The following C19orf44 variants were observed in gnomAD, a reference collection of about 807,000 sequenced individuals.
C19orf44 encodes the protein uncharacterized protein C19orf44.
A neutral mutation model predicts 50.7 loss-of-function variants in C19orf44; 43 were observed. That is an observed-to-expected ratio of 0.85 (90% confidence interval 0.66 to 1.09). C19orf44 has a LOEUF of 1.09. C19orf44 is among the 50% of genes least tolerant of loss of function. The pLI is 0.00. For synonymous variants in C19orf44, 298 were observed against 334.7 expected (o/e 0.89, Z 1.20); for missense variants, 722 against 836.2 (o/e 0.86, Z 1.68).
chr19:16,519,138 C>G lies in C19orf44; in HGVS notation c.*41-956C>G. 6.2e-7 allele frequency: 1 copy of G among 1,603,684 alleles called. No homozygotes were observed. Among genetic ancestry groups the G allele is most frequent in the South Asian group, 1.1e-5 (1 of 89,932 alleles). On this transcript the variant is annotated intron_variant, in intron 8 of 8. Transcript: ENST00000221671. The surrounding 1 kb of genome is among the most constrained non-coding windows in gnomAD (Gnocchi z 6.0). Reference sequence around the variant, plus strand: ...CACAGCCGGCACCGCTGGCCACCGGCGCGGCTCCCGGCATGGGCGCCTACT... The same window carrying G: ...CACAGCCGGCACCGCTGGCCACCGGGGCGGCTCCCGGCATGGGCGCCTACT...
intron 1 of C19orf44, among the ~76,000 whole-genome samples, chr19:16,499,977 C>T (rs1052564269): frequency 2.6e-5 from 4 of 152,062 alleles, no homozygotes; most frequent in South Asian, 2.1e-4. Context: ...TTAGTAGAGA[C>T]GGGGTTTCAC....
intron 2 of C19orf44, 106 bp from the exon 3 acceptor site, chr19:16,502,959 C>T (rs1476010965): frequency 1.0e-5 from 11 of 1,070,150 alleles, no homozygotes; most frequent in South Asian, 8.4e-5. Flanking sequence ...TGCCCTCCAG[C>T]CTAGGCAACA....
At chr19:16,515,302 A>G (rs2093468491) in intron 7 of C19orf44, among the ~76,000 whole-genome samples, 1 of 152,158 alleles carries the variant, frequency 6.6e-6, no homozygotes, top group Non-Finnish European at 1.5e-5. Context: ...TGGAGGTTGT[A>G]GTGAGCTGAG....
intron 1 of C19orf44, among the ~76,000 whole-genome samples, chr19:16,497,383 C>T (rs1296323542): frequency 1.7e-5 from 2 of 117,968 alleles, no homozygotes; most frequent in East Asian, 4.9e-4. Flanking sequence ...CAGATTCTCG[C>T]TCTGTTACTT....
In C19orf44 at chr19:16,520,748, T is replaced by C. The variant is rs2122242352; in HGVS notation, c.*695T>C. On this transcript the variant is annotated 3_prime_UTR_variant, in exon 9 of 9. Coordinates refer to ENST00000221671, the MANE Select transcript of C19orf44 (RefSeq NM_032207.4). This position sits in a 1 kb window ranked among gnomAD's most constrained non-coding sequence, Gnocchi z 4.0. ...GCTGTGTGAGGGTGGACGTGATGAG[T>C]GTATCTGGGGTCTGCTCCCACCCAT... The C allele has an allele frequency of 2.2e-6, 3 of 1,391,416 alleles. No individual in the cohort carries two copies. Among genetic ancestry groups the C allele is most frequent in the Non-Finnish European group, 2.0e-6 (2 of 983,718 alleles). The allele number at this position is 1,391,416 out of a possible 1,614,324, so 86.2% of individuals were successfully genotyped here. A position where few individuals can be genotyped will look rare whatever the true frequency, so the allele number is the denominator to read the frequency against.
Position 16,520,390 on chromosome 19 carries a change from G to A in C19orf44, c.*337G>A. 1 of 1,613,956 alleles carries A rather than the reference G, an allele frequency of 6.2e-7. No individual in the cohort carries two copies. The highest frequency in any genetic ancestry group is 8.5e-7 in the Non-Finnish European group (1 of 1,179,988). ...TAGATCTGGAGCGGGAGTAGGAACG[G>A]GAGCAGGAGCGCGACCTTGACCTTG... is the stretch of plus-strand genomic sequence containing the variant. On this transcript the variant is annotated 3_prime_UTR_variant, in exon 9 of 9. Transcript: ENST00000221671. The surrounding 1 kb of genome is among the most constrained non-coding windows in gnomAD (Gnocchi z 4.0).
intron 3 of C19orf44, among the ~76,000 whole-genome samples, chr19:16,504,890 C>T (rs2093436319): frequency 6.6e-6 from 1 of 151,100 alleles, no homozygotes; most frequent in Non-Finnish European, 1.5e-5. Context: ...GTGATCTCGG[C>T]TCACTGTAAC....
intron 5 of C19orf44, among the ~76,000 whole-genome samples, chr19:16,511,668 C>T (rs908843679): frequency 2.6e-5 from 4 of 152,034 alleles, no homozygotes; most frequent in Non-Finnish European, 5.9e-5. Flanking sequence ...GCCTCCTCCA[C>T]CTCCTGGGTT....
chr19:16,514,432 G>GC lies in C19orf44; in HGVS notation c.1736-65_1736-64insC, dbSNP rs1048337937. 4 of 1,012,646 alleles carry GC rather than the reference G, an allele frequency of 4.0e-6. No individual in the cohort carries two copies. The African/African-American group carries it at 7.2e-5, about 18-fold the overall frequency. 62.7% of individuals were successfully genotyped at this position (1,012,646 alleles called of 1,614,324 possible). A position where few individuals can be genotyped will look rare whatever the true frequency, so the allele number is the denominator to read the frequency against. Reference sequence around the variant, plus strand: ...GAGAGCAGCCTGGCACCTGAGCGGTGGGGGGGGGGCTGCAGAATTTGTGGG... The same window carrying GC: ...GAGAGCAGCCTGGCACCTGAGCGGTGCGGGGGGGGGCTGCAGAATTTGTGGG... On this transcript the variant is annotated intron_variant, in intron 6 of 8. Transcript: ENST00000221671.
chr19:16,519,134 CCG>C lies in C19orf44; in HGVS notation c.*41-959_*41-958del. The C allele has an allele frequency of 6.2e-7, 1 of 1,601,194 alleles. No homozygotes were observed. The highest frequency in any genetic ancestry group is 8.5e-7 in the Non-Finnish European group (1 of 1,174,294). ...GTCCCACAGCCGGCACCGCTGGCCA[CCG>C]GCGCGGCTCCCGGCATGGGCGCCTA... On this transcript the variant is annotated intron_variant, in intron 8 of 8. Coordinates refer to ENST00000221671, the MANE Select transcript of C19orf44 (RefSeq NM_032207.4). This position sits in a 1 kb window ranked among gnomAD's most constrained non-coding sequence, Gnocchi z 6.0.
intron 5 of C19orf44, among the ~76,000 whole-genome samples, chr19:16,511,073 C>T (rs1438160787): frequency 1.3e-5 from 2 of 151,074 alleles, no homozygotes; most frequent in African/African-American, 4.9e-5. Context: ...GTCTCACTCT[C>T]TTGCCCAGGC....
intron 1 of C19orf44, among the ~76,000 whole-genome samples, chr19:16,500,359 T>C (rs915277191): frequency 6.7e-6 from 1 of 148,586 alleles, no homozygotes; most frequent in Non-Finnish European, 1.5e-5. Context: ...TCTTTTTCTT[T>C]TTTTTTTTTT....
chr19:16,500,356 C>CTTTT (rs374785196), intron 1 of C19orf44, among the ~76,000 whole-genome samples: 1 of 138,490 alleles, frequency 7.2e-6, no homozygotes, highest in Admixed American at 7.2e-5. Context: ...TTTTCTTTTT[C>CTTTT]TTTTTTTTTT....
In C19orf44 at chr19:16,520,270, A is replaced by G. The variant is rs1184858926; in HGVS notation, c.*217A>G. ...GAGCGCGACCTGCTCCGACTTCTGC[A>G]GGGAAGGGTGCCCAAGGGTCAGCAG... On this transcript the variant is annotated 3_prime_UTR_variant, in exon 9 of 9. Coordinates refer to ENST00000221671, the MANE Select transcript of C19orf44 (RefSeq NM_032207.4). This position sits in a 1 kb window ranked among gnomAD's most constrained non-coding sequence, Gnocchi z 4.0. The G allele has an allele frequency of 8.7e-6, 14 of 1,613,308 alleles. No homozygotes were observed. The highest frequency in any genetic ancestry group is 1.0e-5 in the Non-Finnish European group (12 of 1,179,966).
In C19orf44 at chr19:16,497,420, G is replaced by C. The variant is rs1320697988; in HGVS notation, c.-2+955G>C. On this transcript the variant is annotated intron_variant, in intron 1 of 8. Transcript: ENST00000221671. ...GGCTGAAGTGCAATGGTGCGATCTC[G>C]GCTCACTGCGAACTCCGCCTCCCAG... Among the ~76,000 whole-genome samples, 5 of 138,630 alleles carry C rather than the reference G, an allele frequency of 3.6e-5. No homozygotes were observed. In the South Asian group the frequency reaches 8.9e-4, roughly 25 times the overall value. The allele number at this position is 138,630 out of a possible 152,430, so 90.9% of individuals were successfully genotyped here.
In C19orf44 at chr19:16,520,297, A is replaced by T. The variant is rs1472170054; in HGVS notation, c.*244A>T. The T allele has an allele frequency of 6.2e-7, 1 of 1,613,250 alleles. No homozygotes were observed. The highest frequency in any genetic ancestry group is 1.1e-5 in the South Asian group (1 of 91,052). ...GGAAGGGTGCCCAAGGGTCAGCAGCAGCCAGGCGTCGTGGGGAGGCCACAG... is the reference window on the plus strand; with the variant it reads ...GGAAGGGTGCCCAAGGGTCAGCAGCTGCCAGGCGTCGTGGGGAGGCCACAG... On this transcript the variant is annotated 3_prime_UTR_variant, in exon 9 of 9. Coordinates refer to ENST00000221671, the MANE Select transcript of C19orf44 (RefSeq NM_032207.4). The surrounding 1 kb of genome is among the most constrained non-coding windows in gnomAD (Gnocchi z 4.0).
At position 16,503,235 on chromosome 19, in the gene C19orf44, C is replaced by T. The variant is rs757428424; in HGVS notation, c.930C>T (p.His310=). 10 of 1,614,172 alleles carry T rather than the reference C, an allele frequency of 6.2e-6. No individual in the cohort carries two copies. Among genetic ancestry groups the T allele is most frequent in the Non-Finnish European group, 8.5e-6 (10 of 1,180,050 alleles). ...QSHVSSDTAS[H]TPSVSITGAF... is the part of the protein sequence containing the mutation. The stretch of plus-strand genomic sequence containing the variant: ...ACGTTTCCAGTGACACCGCCTCCCA[C>T]ACGCCGTCAGTTTCCATCACAGGCG... Residue 310 remains histidine, a synonymous_variant, in exon 3 of 9, where the codon CAC becomes CAT. Transcript: ENST00000221671.
chr19:16,504,790 G>A (rs887645148), intron 3 of C19orf44, among the ~76,000 whole-genome samples: 8 of 150,926 alleles, frequency 5.3e-5, no homozygotes, highest in Admixed American at 4.0e-4. Context: ...TAGTGGAGAC[G>A]GGACGGGGTT....
In C19orf44 at chr19:16,509,859, A is replaced by C. The variant is rs1225584050; in HGVS notation, c.1510A>C (p.Ser504Arg). ...GGACGCTTTGTCTGAATCCTCTTCA[A>C]GTGTGAAGACAGACCTTCCACAAAC... is the stretch of plus-strand genomic sequence containing the variant. The part of the protein sequence containing the change: ...TLDALSESSS[S>R]VKTDLPQTAE... Residue 504 changes from serine to arginine, a missense_variant, in exon 5 of 9, where the codon AGT (serine) becomes CGT (arginine). Coordinates refer to ENST00000221671, the MANE Select transcript of C19orf44 (RefSeq NM_032207.4). 6.2e-7 allele frequency: 1 copy of C among 1,614,270 alleles called. No individual in the cohort carries two copies.
Sources: allele counts gnomAD v4.1 joint callset (sites outside exome capture counted in the v4.1 genomes callset), GRCh38; gene constraint gnomAD v4.1.1; non-coding constraint Gnocchi (gnomAD v3.1); transcripts MANE v1.5; gene names NCBI Gene and HGNC (gene_info 2026-07-23, HGNC 2026-07-21).